PRKCI: variants seen among roughly 807,000 people sequenced by gnomAD.
The protein encoded by PRKCI is protein kinase C iota type.
In PRKCI, 43 loss-of-function variants were observed where a neutral mutation model predicts 84.0. That is an observed-to-expected ratio of 0.51 (90% confidence interval 0.40 to 0.66). The LOEUF (loss-of-function observed/expected upper bound fraction) is 0.66, where lower values mean the gene tolerates loss of function less well. Among genes scored for constraint, PRKCI ranks in the 30% least tolerant of loss-of-function variants. PRKCI has a pLI of 0.00. For missense variants in PRKCI, 459 were observed against 745.6 expected (o/e 0.62, Z 4.48); for synonymous variants, 216 against 234.4 (o/e 0.92, Z 0.72).
At chr3:170,252,573 A>G (rs1275156708) in intron 2 of PRKCI, among the ~76,000 whole-genome samples, 4 of 151,820 alleles carry the variant, frequency 2.6e-5, no homozygotes, top group African/African-American at 4.8e-5. Flanking sequence ...ATCAAGTACT[A>G]GATCTTTTTT....
chr3:170,301,465 A>C (rs1046128639), intron 17 of PRKCI, among the ~76,000 whole-genome samples: 3 of 152,178 alleles, frequency 2.0e-5, no homozygotes, highest in Non-Finnish European at 2.9e-5. Context: ...GTCTAAAATG[A>C]AAGTAATGAC....
chr3:170,291,148 A>AAAAG (rs200262754), intron 12 of PRKCI, among the ~76,000 whole-genome samples: 8 of 145,530 alleles, frequency 5.5e-5, no homozygotes, highest in African/African-American at 1.8e-4. Context: ...AAAAAAAAAA[A>AAAAG]GTGTTCTTAG....
At chr3:170,267,414 C>G (rs1733887259) in intron 4 of PRKCI, among the ~76,000 whole-genome samples, 1 of 151,972 alleles carries the variant, frequency 6.6e-6, no homozygotes, top group Non-Finnish European at 1.5e-5. Flanking sequence ...TGGCTCACGC[C>G]TGTAATCCCA....
At chr3:170,293,836 A>G (rs886672773) in intron 14 of PRKCI, among the ~76,000 whole-genome samples, 27 of 151,882 alleles carry the variant, frequency 1.8e-4, no homozygotes, top group African/African-American at 6.5e-4. Context: ...ACACACCACT[A>G]TGCCCGGCTA....
At chr3:170,243,461 G>A (rs1733187311) in intron 2 of PRKCI, among the ~76,000 whole-genome samples, 1 of 152,076 alleles carries the variant, frequency 6.6e-6, no homozygotes, top group Admixed American at 6.6e-5. Flanking sequence ...AAATAAAGGT[G>A]CTATGAACAG....
intron 12 of PRKCI, among the ~76,000 whole-genome samples, chr3:170,286,846 T>A (rs534131673): frequency 7.3e-5 from 11 of 151,508 alleles, no homozygotes; most frequent in Non-Finnish European, 7.4e-5. Context: ...GAGGTCTCGC[T>A]GTGTTGCCCA....
intron 2 of PRKCI, among the ~76,000 whole-genome samples, chr3:170,239,926 T>A (rs1402232605): frequency 2.0e-5 from 3 of 152,062 alleles, no homozygotes; most frequent in Admixed American, 2.0e-4. Flanking sequence ...GGCAGAAGGA[T>A]CCCTTGAGCC....
At chr3:170,223,898 A>G (rs1425732100) in intron 1 of PRKCI, among the ~76,000 whole-genome samples, 1 of 148,798 alleles carries the variant, frequency 6.7e-6, no homozygotes, top group East Asian at 2.0e-4. Flanking sequence ...TAAATGTTGT[A>G]TTGATTTGAT....
intron 2 of PRKCI, among the ~76,000 whole-genome samples, chr3:170,258,057 A>G (rs1733632953): frequency 6.6e-6 from 1 of 152,106 alleles, no homozygotes; most frequent in African/African-American, 2.4e-5. Context: ...AGAGGAGCTC[A>G]GAGAAGATAA....
At chr3:170,297,497 G>A (rs112100029) in intron 16 of PRKCI, 104 bp downstream of exon 16, 45 of 924,650 alleles carry the variant, frequency 4.9e-5, no homozygotes, top group Admixed American at 2.5e-4. Flanking sequence ...CTCTGTCACC[G>A]AGGCTGGAGT....
intron 1 of PRKCI, among the ~76,000 whole-genome samples, chr3:170,232,676 C>G (rs899475688): frequency 6.6e-6 from 1 of 151,938 alleles, no homozygotes; most frequent in African/African-American, 2.4e-5. Flanking sequence ...AAATGATTCT[C>G]GTGAGTAGCT....
chr3:170,274,615 C>T (rs1270065641), intron 7 of PRKCI, among the ~76,000 whole-genome samples: 1 of 152,156 alleles, frequency 6.6e-6, no homozygotes, highest in Non-Finnish European at 1.5e-5. Context: ...ACAGCATGAT[C>T]TTCTCTGGAC....
In PRKCI at chr3:170,274,181, G is replaced by T. The variant is rs532297636; in HGVS notation, c.646+841G>T. 4.1e-3 allele frequency among the ~76,000 whole-genome samples: 620 copies of T among 152,196 alleles called. 10 individuals carry two copies. Among genetic ancestry groups the T allele is most frequent in the African/African-American group, 0.014 (598 of 41,532 alleles). ...GAGTCTTGCTCTGTTGCCCAAGCTG[G>T]AATGCAGTGGCGTGATCTCGGCTCA... On this transcript the variant is annotated intron_variant, in intron 7 of 17. Coordinates refer to ENST00000295797, the MANE Select transcript of PRKCI (RefSeq NM_002740.6).
At chr3:170,276,454 C>CTT (rs144477921) in intron 8 of PRKCI, among the ~76,000 whole-genome samples, 22 of 149,232 alleles carry the variant, frequency 1.5e-4, no homozygotes, top group African/African-American at 5.2e-4. Context: ...TTCTTTTTAA[C>CTT]TTTTTTTTTT....
chr3:170,235,425 T>A (rs926769060), intron 2 of PRKCI, 74 bp downstream of exon 2: 32 of 1,530,354 alleles, frequency 2.1e-5, no homozygotes, highest in Middle Eastern at 1.8e-4. Context: ...AAAAATATAA[T>A]GAGTCCTAAA....
At chr3:170,288,245 C>CA (rs564983474) in intron 12 of PRKCI, among the ~76,000 whole-genome samples, 285 of 127,586 alleles carry the variant, frequency 2.2e-3, no homozygotes, top group Admixed American at 2.3e-3. Flanking sequence ...GACTACGTCT[C>CA]AAAAAAAAAA....
chr3:170,231,364 T>A (rs190930560), intron 1 of PRKCI, among the ~76,000 whole-genome samples: 33 of 152,308 alleles, frequency 2.2e-4, no homozygotes, highest in African/African-American at 7.9e-4. Flanking sequence ...ACTTTCCACC[T>A]TACTAATAAT....
Position 170,273,485 on chromosome 3 carries a change from G to T in PRKCI, c.646+145G>T, listed in dbSNP as rs111656499. 1.4e-4 allele frequency: 109 copies of T among 786,818 alleles called. No homozygotes were observed. In the African/African-American group the frequency reaches 1.7e-3, roughly 12 times the overall value. 48.7% of individuals were successfully genotyped at this position (786,818 alleles called of 1,614,324 possible). ...CATATATTTTGTAGTGGTGAAATCA[G>T]TCACACTATTTAACATACACATTTG... On this transcript the variant is annotated intron_variant, in intron 7 of 17. Transcript: ENST00000295797.
chr3:170,271,630 C>T (rs530705524), intron 6 of PRKCI, among the ~76,000 whole-genome samples: 1 of 152,170 alleles, frequency 6.6e-6, no homozygotes, highest in Admixed American at 6.5e-5. Context: ...TTGTCATTTA[C>T]ACTGTTGTAA....
Sources: gnomAD v4.1 joint callset for allele counts (sites outside exome capture counted in the v4.1 genomes callset) on GRCh38, gnomAD v4.1.1 for gene constraint, MANE v1.5 for transcripts, NCBI Gene and HGNC (gene_info 2026-07-23, HGNC 2026-07-21) for gene names.